RNF166: variants seen among roughly 807,000 people sequenced by gnomAD.
RNF166 encodes the protein E3 ubiquitin-protein ligase RNF166.
A neutral mutation model predicts 29.4 loss-of-function variants in RNF166; 19 were observed. That is an observed-to-expected ratio of 0.65 (90% CI 0.45 to 0.95). The LOEUF is 0.95. Among genes scored for constraint, RNF166 ranks in the 40% least tolerant of loss-of-function variants. RNF166 has a pLI of 0.00. For synonymous variants in RNF166, 171 were observed against 134.5 expected (o/e 1.27, Z -1.88); for missense variants, 347 against 322.1 (o/e 1.08, Z -0.59).
intron 1 of RNF166, among the ~76,000 whole-genome samples, chr16:88,701,895 G>C (rs1332439031): frequency 6.6e-6 from 1 of 152,256 alleles, no homozygotes; most frequent in Non-Finnish European, 1.5e-5. Context: ...GGCTCCAGAT[G>C]CACTGGACAG....
chr16:88,701,529 C>A, intron 1 of RNF166, 111 bp from the exon 2 acceptor site: 1 of 1,028,842 alleles, frequency 9.7e-7, no homozygotes, highest in Admixed American at 3.0e-5. Context: ...ACAGGGGCAG[C>A]TCCCCCTACC....
Position 88,706,261 on chromosome 16 carries a change from CCCGCCGGCCCGG to C in RNF166, c.53_64del (p.Ala18_Ala21del). The C allele has an allele frequency of 7.7e-7, 1 of 1,303,526 alleles. No individual in the cohort carries two copies. Among genetic ancestry groups the C allele is most frequent in the African/African-American group, 1.6e-5 (1 of 63,786 alleles). 80.7% of individuals were successfully genotyped at this position (1,303,526 alleles called of 1,614,324 possible). The stretch of plus-strand genomic sequence containing the variant: ...CTGCGCCTCCAGGCCGCTGTCGCCG[CCCGCCGGCCCGG>C]CCGGCGGCTGCCGCTGCTGAGCCGA... On this transcript the variant is annotated inframe_deletion, in exon 1 of 6. Coordinates refer to ENST00000312838, the MANE Select transcript of RNF166 (RefSeq NM_178841.4).
At chr16:88,699,915 C>T in intron 2 of RNF166, 183 bp from the exon 3 acceptor site, 1 of 514,330 alleles carries the variant, frequency 1.9e-6, no homozygotes, top group Non-Finnish European at 3.5e-6. Context: ...GCCACTACTC[C>T]ATGGCCAAAA....
chr16:88,705,224 C>A (rs548427284), intron 1 of RNF166, among the ~76,000 whole-genome samples: 35 of 152,342 alleles, frequency 2.3e-4, no homozygotes, highest in African/African-American at 7.5e-4. Context: ...GTCCCAGCTC[C>A]CTCTGTACCA....
chr16:88,704,084 C>A, intron 1 of RNF166: 1 of 983,966 alleles, frequency 1.0e-6, no homozygotes, highest in Non-Finnish European at 1.2e-6. Context: ...CATGCCCCCA[C>A]ACTGGGATAC....
At chr16:88,698,665 C>T in intron 4 of RNF166, 56 bp from the exon 5 acceptor site, 1 of 1,346,376 alleles carries the variant, frequency 7.4e-7, no homozygotes, top group Non-Finnish European at 1.0e-6. Flanking sequence ...GGGGTAGCCG[C>T]AGTAGGACTG....
At chr16:88,705,106 C>G (rs913448376) in intron 1 of RNF166, among the ~76,000 whole-genome samples, 1 of 152,372 alleles carries the variant, frequency 6.6e-6, no homozygotes, top group South Asian at 2.1e-4. Context: ...AGAGCTGTCC[C>G]AGCGTGGGCA....
chr16:88,699,567 A>C (rs1909994355), intron 3 of RNF166, 53 bp downstream of exon 3: 7 of 1,437,176 alleles, frequency 4.9e-6, no homozygotes, highest in Non-Finnish European at 6.7e-6. Context: ...TTGCTCCCAG[A>C]ACGAGGAAAC....
In RNF166 at chr16:88,698,900, C is replaced by T. The variant is rs556555074; in HGVS notation, c.540+71G>A. 46 of 1,236,330 alleles carry T rather than the reference C, an allele frequency of 3.7e-5. No homozygotes were observed. The East Asian group carries it at 1.1e-3, about 29-fold the overall frequency. 76.6% of individuals were successfully genotyped at this position (1,236,330 alleles called of 1,614,324 possible). A position where few individuals can be genotyped will look rare whatever the true frequency, so the allele number is the denominator to read the frequency against. ...CACCCCCGGACTCGCCGCGAGCAGG[C>T]TCCTGGGCCTTGTACTGTCCCCCAC... On this transcript the variant is annotated intron_variant, in intron 4 of 5. Coordinates refer to ENST00000312838, the MANE Select transcript of RNF166 (RefSeq NM_178841.4).
intron 1 of RNF166, chr16:88,703,887 C>T: frequency 4.1e-6 from 4 of 985,442 alleles, no homozygotes; most frequent in Non-Finnish European, 4.8e-6. Flanking sequence ...CCTCAGCAAG[C>T]CCCACAGCTG....
chr16:88,702,153 C>CCTCCTGCTGCTATCTACAACCG (rs1910305927), intron 1 of RNF166, among the ~76,000 whole-genome samples: 1 of 151,954 alleles, frequency 6.6e-6, no homozygotes, highest in Non-Finnish European at 1.5e-5. Context: ...GGCTCGCACA[C>CCTCCTGCTGCTATCTACAACCG]CCTCCCGCTC....
chr16:88,696,758 A>G lies in RNF166; in HGVS notation c.*810T>C. The G allele has an allele frequency of 2.6e-6, 1 of 385,338 alleles. No individual in the cohort carries two copies. The highest frequency in any genetic ancestry group is 5.1e-6 in the Non-Finnish European group (1 of 197,410). 23.9% of individuals were successfully genotyped at this position (385,338 alleles called of 1,614,324 possible). On this transcript the variant is annotated 3_prime_UTR_variant, in exon 6 of 6. Transcript: ENST00000312838. ...TGCCGGCCCCGCCTCTGCTGGGAGC[A>G]GCCACAGCCTGTGGCTGGGGTGCTG...
In RNF166 at chr16:88,697,739, A is replaced by G. The variant is rs539210914; in HGVS notation, c.649-106T>C. ...GTGTCCACCCTTCCTGCCTCCCTCC[A>G]GCAGGACACAGGAAGGACCCAGCTC... On this transcript the variant is annotated intron_variant, in intron 5 of 5. Coordinates refer to ENST00000312838, the MANE Select transcript of RNF166 (RefSeq NM_178841.4). The G allele has an allele frequency of 9.9e-4, 796 of 805,748 alleles. 3 individuals are homozygous for G. The African/African-American group carries it at 0.012, about 12-fold the overall frequency. The allele number at this position is 805,748 out of a possible 1,614,324, so 49.9% of individuals were successfully genotyped here. A position where few individuals can be genotyped will look rare whatever the true frequency, so the allele number is the denominator to read the frequency against.
chr16:88,697,791 C>G, intron 5 of RNF166, 158 bp from the exon 6 acceptor site: 1 of 616,352 alleles, frequency 1.6e-6, no homozygotes, highest in South Asian at 1.9e-5. Context: ...TCGGGGCCTG[C>G]ACGGTCCTCT....
chr16:88,700,960 G>A (rs1017778339), intron 2 of RNF166: 4 of 1,249,474 alleles, frequency 3.2e-6, no homozygotes, highest in Admixed American at 7.9e-5. Context: ...GAAGGTTTCA[G>A]CTCAGCCCCC....
Position 88,697,245 on chromosome 16 carries a change from C to T in RNF166, c.*323G>A, listed in dbSNP as rs1357624129. 8.5e-6 allele frequency: 2 copies of T among 234,984 alleles called. No individual in the cohort carries two copies. Among genetic ancestry groups the T allele is most frequent in the East Asian group, 1.8e-4 (2 of 10,904 alleles). The allele number at this position is 234,984 out of a possible 1,614,324, so 14.6% of individuals were successfully genotyped here. On this transcript the variant is annotated 3_prime_UTR_variant, in exon 6 of 6. Coordinates refer to ENST00000312838, the MANE Select transcript of RNF166 (RefSeq NM_178841.4). ...GCGACTCGCGCGTCGGTCCCTTCTT[C>T]CCACGAGGGGGTATCATGGCTTTGA...
intron 1 of RNF166, chr16:88,701,686 C>T: frequency 1.1e-5 from 5 of 440,206 alleles, no homozygotes; most frequent in East Asian, 7.6e-5. Context: ...CTATGGCTGT[C>T]CCCGCGAGTG....
Position 88,697,547 on chromosome 16 carries a change from G to A in RNF166, c.*21C>T. On this transcript the variant is annotated 3_prime_UTR_variant, in exon 6 of 6. Transcript: ENST00000312838. Reference sequence around the variant, plus strand: ...GGGGACATCCCTGACCCCAGACGCAGGCGGGTGGCTGCGCTTCCCTTCAGT... The same window carrying A: ...GGGGACATCCCTGACCCCAGACGCAAGCGGGTGGCTGCGCTTCCCTTCAGT... 6.5e-7 allele frequency: 1 copy of A among 1,541,498 alleles called. No homozygotes were observed. Among genetic ancestry groups the A allele is most frequent in the Non-Finnish European group, 8.8e-7 (1 of 1,141,376 alleles).
chr16:88,699,784 G>A (rs756390697), intron 2 of RNF166, 52 bp from the exon 3 acceptor site: 16 of 1,391,016 alleles, frequency 1.2e-5, no homozygotes, highest in Non-Finnish European at 1.4e-5. Flanking sequence ...TGGAAGGGCC[G>A]TCCTGGGGAG....
Sources: allele counts gnomAD v4.1 joint callset (sites outside exome capture counted in the v4.1 genomes callset), GRCh38; gene constraint gnomAD v4.1.1; transcripts MANE v1.5; gene names NCBI Gene and HGNC (gene_info 2026-07-23, HGNC 2026-07-21).